Variants in IL1RL1 observed in about 807,000 individuals in gnomAD.
IL1RL1 encodes interleukin 1 receptor like 1.
Under a neutral mutation model 50.9 loss-of-function variants are expected in IL1RL1, and 32 were observed. The observed-to-expected ratio is 0.63, with a 90% CI of 0.47 to 0.84. The LOEUF (loss-of-function observed/expected upper bound fraction) is 0.84, where lower values mean the gene tolerates loss of function less well. Among genes scored for constraint, IL1RL1 ranks in the 40% least tolerant of loss-of-function variants. IL1RL1 has a pLI of 0.00. For missense variants in IL1RL1, 773 were observed against 662.9 expected (o/e 1.17, Z -1.82); for synonymous variants, 275 against 236.0 (o/e 1.17, Z -1.51).
chr2:102,341,168 CTTTTT>C, intron 5 of IL1RL1: 3 of 939,762 alleles, frequency 3.2e-6, no homozygotes, highest in South Asian at 3.3e-5. Flanking sequence ...GCAAAACCAG[CTTTTT>C]TTTTTTTTTT....
chr2:102,320,650 T>G (rs1676808517), intron 1 of IL1RL1, among the ~76,000 whole-genome samples: 2 of 152,234 alleles, frequency 1.3e-5, no homozygotes, highest in South Asian at 4.1e-4. Context: ...ATTCAGTAAC[T>G]AGCAACCCTA....
intron 1 of IL1RL1, among the ~76,000 whole-genome samples, chr2:102,332,903 G>A (rs1261623521): frequency 6.6e-6 from 1 of 152,190 alleles, no homozygotes. Context: ...TGTACAGTTT[G>A]AGTGCTCACT....
At chr2:102,328,446 G>T (rs1490864673) in intron 1 of IL1RL1, among the ~76,000 whole-genome samples, 1 of 152,174 alleles carries the variant, frequency 6.6e-6, no homozygotes, top group Non-Finnish European at 1.5e-5. Context: ...AAACTGGCAT[G>T]AGACAGGGAT....
intron 8 of IL1RL1, chr2:102,346,025 G>C: frequency 1.0e-6 from 1 of 982,774 alleles, no homozygotes; most frequent in African/African-American, 1.7e-5. Flanking sequence ...TATTTCACCT[G>C]TTTTTCTTTA....
chr2:102,346,212 T>C (rs1677776886), intron 8 of IL1RL1: 2 of 192,398 alleles, frequency 1.0e-5, no homozygotes, highest in African/African-American at 2.4e-5. Context: ...TATTACTAAA[T>C]ACATATTTGA....
chr2:102,335,415 C>T (rs1041579484), intron 1 of IL1RL1, among the ~76,000 whole-genome samples: 6 of 152,128 alleles, frequency 3.9e-5, no homozygotes, highest in Non-Finnish European at 7.3e-5. Context: ...TGAAGTTCAG[C>T]AAGTCTGGTT....
chr2:102,347,997 G>A lies in IL1RL1; in HGVS notation c.1023G>A (p.Met341Ile). The A allele has an allele frequency of 6.3e-7, 1 of 1,577,168 alleles. No homozygotes were observed. Among genetic ancestry groups the A allele is most frequent in the East Asian group, 2.2e-5 (1 of 44,672 alleles). ...TTGCAGTATGTAGTGTATTTTTAAT[G>A]CTAATCAATGTCCTGGTTATCATCC... Reference protein sequence around the residue: ...CIIAVCSVFLMLINVLVIILK... With the variant: ...CIIAVCSVFLILINVLVIILK... The change falls in exon 9 of 11, where the codon ATG (methionine) becomes ATA (isoleucine). Residue 341 changes from methionine to isoleucine, a missense_variant. Transcript: ENST00000233954.
At chr2:102,328,665 G>A (rs1024197590) in intron 1 of IL1RL1, among the ~76,000 whole-genome samples, 16 of 152,122 alleles carry the variant, frequency 1.1e-4, no homozygotes, top group East Asian at 1.9e-4. Flanking sequence ...AAAAATCAAC[G>A]TGCAAAAATC....
At chr2:102,318,821 G>A (rs972159355) in intron 1 of IL1RL1, among the ~76,000 whole-genome samples, 5 of 152,254 alleles carry the variant, frequency 3.3e-5, no homozygotes, top group African/African-American at 1.2e-4. Flanking sequence ...GAAGACGCAG[G>A]ACTGAGGATT....
chr2:102,350,465 C>T (rs1156293447), intron 10 of IL1RL1, among the ~76,000 whole-genome samples: 1 of 152,268 alleles, frequency 6.6e-6, no homozygotes, highest in African/African-American at 2.4e-5. Flanking sequence ...TGCATGTCCT[C>T]TGACCTTTCC....
rs986603520 is a variant in IL1RL1, at chr2:102,323,256, T to C, written c.-150+11633T>C. On this transcript the variant is annotated intron_variant, in intron 1 of 10. Transcript: ENST00000233954. The stretch of plus-strand genomic sequence containing the variant: ...AACTTTTTGTTAGGTTTTATATATA[T>C]ATATATATATATATATAGTGTGTGT... Among the ~76,000 whole-genome samples the C allele has an allele frequency of 1.0e-4, 15 of 143,250 alleles. No individual in the cohort carries two copies. The East Asian group carries it at 2.6e-3, about 25-fold the overall frequency. The allele number at this position is 143,250 out of a possible 152,430, so 94.0% of individuals were successfully genotyped here. A position where few individuals can be genotyped will look rare whatever the true frequency, so the allele number is the denominator to read the frequency against.
Position 102,344,073 on chromosome 2 carries a change from A to T in IL1RL1, c.970+658A>T, listed in dbSNP as rs139845574. ...CATGGCGGCATCTGCTTCTGGGGAC[A>T]CCTCAGGAGCTTTACTCATGGCAGA... is the stretch of plus-strand genomic sequence containing the variant. On this transcript the variant is annotated intron_variant, in intron 8 of 10. Coordinates refer to ENST00000233954, the MANE Select transcript of IL1RL1 (RefSeq NM_016232.5). 4.2e-4 allele frequency: 98 copies of T among 235,260 alleles called. 1 individual carries two copies. The East Asian group carries it at 0.013, about 32-fold the overall frequency. The allele number at this position is 235,260 out of a possible 1,614,324, so 14.6% of individuals were successfully genotyped here.
intron 3 of IL1RL1, 41 bp downstream of exon 3, chr2:102,339,088 C>A: frequency 6.9e-7 from 1 of 1,450,766 alleles, no homozygotes; most frequent in South Asian, 1.1e-5. Flanking sequence ...ACCCTGCTCC[C>A]CTTTCTTCAG....
downstream of IL1RL1, chr2:102,352,062 C>T: frequency 3.5e-6 from 3 of 864,938 alleles, no homozygotes; most frequent in Non-Finnish European, 5.2e-6. Flanking sequence ...AACTTTCCTT[C>T]CATTTCCCTG....
intron 8 of IL1RL1, chr2:102,345,289 G>A (rs1677740744): frequency 3.0e-6 from 3 of 985,308 alleles, no homozygotes; most frequent in Admixed American, 6.1e-5. Context: ...AGCTTTCCAA[G>A]CATTTCACTC....
intron 1 of IL1RL1, among the ~76,000 whole-genome samples, chr2:102,336,616 C>T (rs1305009206): frequency 6.6e-6 from 1 of 152,110 alleles, no homozygotes; most frequent in African/African-American, 2.4e-5. Flanking sequence ...TTCTTTGTCA[C>T]TCCCCTTGAG....
At chr2:102,348,262 T>A (rs1159302874) in intron 9 of IL1RL1, among the ~76,000 whole-genome samples, 171 bp downstream of exon 9, 3 of 152,200 alleles carry the variant, frequency 2.0e-5, no homozygotes, top group Non-Finnish European at 1.5e-5. Flanking sequence ...CCATTTTCCA[T>A]CCTGCTATGT....
Position 102,349,195 on chromosome 2 carries a change from A to G in IL1RL1, c.1234A>G (p.Lys412Glu). Reference protein sequence around the residue: ...HQILPDVLENKCGYTLCIYGR... With the variant: ...HQILPDVLENECGYTLCIYGR... ...GATTCTGCCTGATGTTCTTGAAAATAAATGTGGCTATACCTTATGCATTTA... is the reference window on the plus strand; with the variant it reads ...GATTCTGCCTGATGTTCTTGAAAATGAATGTGGCTATACCTTATGCATTTA... The change falls in exon 10 of 11, where the codon AAA becomes GAA. Residue 412 changes from lysine to glutamate, a missense_variant. By Grantham distance (56) the Lys-to-Glu change is moderately conservative. Coordinates refer to ENST00000233954, the MANE Select transcript of IL1RL1 (RefSeq NM_016232.5). The G allele has an allele frequency of 1.2e-6, 2 of 1,613,978 alleles. No homozygotes were observed. Among genetic ancestry groups the G allele is most frequent in the Non-Finnish European group, 1.7e-6 (2 of 1,179,858 alleles).
At chr2:102,318,552 C>T (rs1447068717) in intron 1 of IL1RL1, among the ~76,000 whole-genome samples, 1 of 152,104 alleles carries the variant, frequency 6.6e-6, no homozygotes, top group East Asian at 1.9e-4. Context: ...ACATGAGAAC[C>T]TGAAGTTCAG....
Sources: gnomAD v4.1 joint callset for allele counts (sites outside exome capture counted in the v4.1 genomes callset) on GRCh38, gnomAD v4.1.1 for gene constraint, MANE v1.5 for transcripts, NCBI Gene and HGNC (gene_info 2026-07-23, HGNC 2026-07-21) for gene names.